Variants in TTL observed in about 807,000 individuals in gnomAD.
The protein encoded by TTL is tubulin--tyrosine ligase.
TTL carries 10 observed loss-of-function variants against 41.1 expected under a neutral mutation model. The observed-to-expected ratio is 0.24, with a 90% CI of 0.15 to 0.41. The LOEUF (loss-of-function observed/expected upper bound fraction) is 0.41. Ranked by LOEUF, TTL falls within the 10% of genes least tolerant of loss-of-function variation. TTL has a pLI of 1.00. For synonymous variants in TTL, 175 were observed against 175.5 expected, an observed-to-expected ratio of 1.00 and a Z score of 0.02; for missense variants, 367 against 460.4, an observed-to-expected ratio of 0.80 and a Z score of 1.86.
chr2:112,500,675 A>G (rs1474658424), intron 3 of TTL, among the ~76,000 whole-genome samples: 2 of 152,302 alleles, frequency 1.3e-5, no homozygotes, highest in Non-Finnish European at 2.9e-5. Context: ...AAAAGGATAA[A>G]TTTTTTGGTA....
At chr2:112,490,801 G>A (rs1228724281) in intron 2 of TTL, among the ~76,000 whole-genome samples, 1 of 151,876 alleles carries the variant, frequency 6.6e-6, no homozygotes, top group African/African-American at 2.4e-5. Context: ...TTGAACTCCT[G>A]ACCTCAGGTG....
chr2:112,491,178 A>C (rs1681375933), intron 2 of TTL, among the ~76,000 whole-genome samples: 2 of 151,882 alleles, frequency 1.3e-5, no homozygotes. Flanking sequence ...TTTTTAGTAG[A>C]GATAGGGTTT....
chr2:112,528,397 C>G (rs1192821538), intron 6 of TTL, among the ~76,000 whole-genome samples: 1 of 152,056 alleles, frequency 6.6e-6, no homozygotes, highest in Admixed American at 6.6e-5. Flanking sequence ...CTCAGGAGTT[C>G]AAGAGCAGCA....
Position 112,532,862 on chromosome 2 carries a change from A to G in TTL, c.*4067A>G, listed in dbSNP as rs1396259642. 1 of 152,426 alleles carries G rather than the reference A, an allele frequency of 6.6e-6. No individual in the cohort carries two copies. Among genetic ancestry groups the G allele is most frequent in the Non-Finnish European group, 1.5e-5 (1 of 68,200 alleles). The allele number at this position is 152,426 out of a possible 1,614,324, so 9.4% of individuals were successfully genotyped here. On this transcript the variant is annotated 3_prime_UTR_variant, in exon 7 of 7. Coordinates refer to ENST00000233336, the MANE Select transcript of TTL (RefSeq NM_153712.5). ...ACATAAGCCAACAGATTGTCCTTCA[A>G]AACTGATGAGCTTCTCAGTGAAGCA...
At position 112,529,944 on chromosome 2, in the gene TTL, G is replaced by A. The variant is rs533870890; in HGVS notation, c.*1149G>A. The A allele has an allele frequency of 4.0e-4, 91 of 225,940 alleles. 1 individual carries two copies. Among genetic ancestry groups the A allele is most frequent in the Non-Finnish European group, 7.3e-4 (83 of 113,428 alleles). The allele number at this position is 225,940 out of a possible 1,614,324, so 14.0% of individuals were successfully genotyped here. ...ATGTGTACTGTTAGAAGTGGCTTCC[G>A]CTTACTGGATTAACTAATACTTTAT... On this transcript the variant is annotated 3_prime_UTR_variant, in exon 7 of 7. Coordinates refer to ENST00000233336, the MANE Select transcript of TTL (RefSeq NM_153712.5).
intron 2 of TTL, among the ~76,000 whole-genome samples, chr2:112,487,025 G>A (rs1465078288): frequency 6.6e-6 from 1 of 152,128 alleles, no homozygotes; most frequent in Non-Finnish European, 1.5e-5. Context: ...TATTACTGTT[G>A]TTTCAGTAGG....
At chr2:112,484,284 G>A (rs988056831) in intron 1 of TTL, among the ~76,000 whole-genome samples, 1 of 147,212 alleles carries the variant, frequency 6.8e-6, no homozygotes, top group Non-Finnish European at 1.5e-5. Flanking sequence ...TTTGTTTTGC[G>A]ACAGAGTCTC....
rs1682454928 is a variant in TTL, at chr2:112,529,539, G to A, written c.*744G>A. On this transcript the variant is annotated 3_prime_UTR_variant, in exon 7 of 7. Coordinates refer to ENST00000233336, the MANE Select transcript of TTL (RefSeq NM_153712.5). ...AATAGGTTGAATATGGTAGGTCTTT[G>A]AAAATATGATGATTCAATTTTCTCA... The A allele has an allele frequency of 4.4e-6, 1 of 229,082 alleles. No individual in the cohort carries two copies. The highest frequency in any genetic ancestry group is 5.7e-5 in the Admixed American group (1 of 17,628). The allele number at this position is 229,082 out of a possible 1,614,324, so 14.2% of individuals were successfully genotyped here. A position where few individuals can be genotyped will look rare whatever the true frequency, so the allele number is the denominator to read the frequency against.
chr2:112,503,503 G>A (rs913436091), intron 5 of TTL, among the ~76,000 whole-genome samples: 10 of 149,104 alleles, frequency 6.7e-5, no homozygotes, highest in East Asian at 3.9e-4. Context: ...GTGCGATCTC[G>A]GCTCACCACA....
At position 112,535,480 on chromosome 2, in the gene TTL, G is replaced by C. The variant is rs1682581600; in HGVS notation, c.*6685G>C. ...AGCTCAACAAATTCTAAGCAGGAAAGACTCAAAGAGTCCACCTCAAGACAC... is the reference window on the plus strand; with the variant it reads ...AGCTCAACAAATTCTAAGCAGGAAACACTCAAAGAGTCCACCTCAAGACAC... On this transcript the variant is annotated 3_prime_UTR_variant, in exon 7 of 7. Coordinates refer to ENST00000233336, the MANE Select transcript of TTL (RefSeq NM_153712.5). The C allele has an allele frequency of 6.6e-6, 1 of 152,024 alleles. No homozygotes were observed. Among genetic ancestry groups the C allele is most frequent in the Admixed American group, 6.6e-5 (1 of 15,258 alleles). 9.4% of individuals were successfully genotyped at this position (152,024 alleles called of 1,614,324 possible).
chr2:112,514,087 A>G (rs1399046107), intron 5 of TTL, among the ~76,000 whole-genome samples: 1 of 152,042 alleles, frequency 6.6e-6, no homozygotes, highest in Non-Finnish European at 1.5e-5. Flanking sequence ...CTTATTGTTA[A>G]GAAACTCATT....
At chr2:112,502,617 A>G (rs1681732342) in intron 4 of TTL, among the ~76,000 whole-genome samples, 1 of 151,206 alleles carries the variant, frequency 6.6e-6, no homozygotes. Flanking sequence ...AGCCTGGGCA[A>G]CAAAAGCAAA....
chr2:112,529,613 CT>C lies in TTL; in HGVS notation c.*827del, dbSNP rs759483274. On this transcript the variant is annotated 3_prime_UTR_variant, in exon 7 of 7. Transcript: ENST00000233336. ...TCTAAATGCAGTTTTGCCTAGTTCC[CT>C]TTTTTTTTCTTTTTTTACTTTTTTT... 456 of 224,404 alleles carry C rather than the reference CT, an allele frequency of 2.0e-3. 2 individuals are homozygous for C. Among genetic ancestry groups the C allele is most frequent in the African/African-American group, 8.8e-3 (395 of 44,706 alleles). 13.9% of individuals were successfully genotyped at this position (224,404 alleles called of 1,614,324 possible).
intron 3 of TTL, 47 bp downstream of exon 3, chr2:112,494,422 T>C: frequency 6.9e-7 from 1 of 1,441,882 alleles, no homozygotes; most frequent in Non-Finnish European, 9.6e-7. Context: ...TAAGTTGCTA[T>C]TGTGATGTAT....
chr2:112,524,644 A>AT (rs1191325578), intron 6 of TTL, among the ~76,000 whole-genome samples: 43 of 151,688 alleles, frequency 2.8e-4, no homozygotes, highest in African/African-American at 7.5e-4. Context: ...GGGTTGTTTG[A>AT]TTTTTTCTTG....
chr2:112,488,567 G>A (rs543536678), intron 2 of TTL, among the ~76,000 whole-genome samples: 1 of 150,976 alleles, frequency 6.6e-6, no homozygotes, highest in South Asian at 2.1e-4. Flanking sequence ...AGACCAATCT[G>A]GCCAGCATGG....
At chr2:112,525,231 T>C (rs981857611) in intron 6 of TTL, among the ~76,000 whole-genome samples, 15 of 152,218 alleles carry the variant, frequency 9.9e-5, no homozygotes, top group African/African-American at 3.4e-4. Flanking sequence ...GGGTGATGCC[T>C]CCAGCTTTGT....
At chr2:112,515,469 A>G (rs1407965641) in intron 5 of TTL, among the ~76,000 whole-genome samples, 1 of 152,158 alleles carries the variant, frequency 6.6e-6, no homozygotes, top group Non-Finnish European at 1.5e-5. Context: ...GTATTTTAGC[A>G]TTAGTGTTCA....
At chr2:112,497,389 G>A (rs558411171) in intron 3 of TTL, among the ~76,000 whole-genome samples, 117 of 151,930 alleles carry the variant, frequency 7.7e-4, no homozygotes, top group African/African-American at 2.6e-3. Context: ...CAAATGATAT[G>A]AAGCCTTTAT....
Sources: gnomAD v4.1 joint callset for allele counts (sites outside exome capture counted in the v4.1 genomes callset) on GRCh38, gnomAD v4.1.1 for gene constraint, MANE v1.5 for transcripts, NCBI Gene and HGNC (gene_info 2026-07-23, HGNC 2026-07-21) for gene names.